Variants in PTPRN observed in about 807,000 individuals in gnomAD.
PTPRN encodes the protein receptor-type tyrosine-protein phosphatase-like N.
Under a neutral mutation model 108.5 loss-of-function variants are expected in PTPRN, and 70 were observed. The ratio of observed to expected loss-of-function variants is 0.65; its 90% CI spans 0.53 to 0.79. The LOEUF (loss-of-function observed/expected upper bound fraction) is 0.79, where lower values mean the gene tolerates loss of function less well. PTPRN is among the 30% of genes least tolerant of loss of function. PTPRN has a pLI of 0.00. For missense variants in PTPRN, 1,136 were observed against 1,295.5 expected, an observed-to-expected ratio of 0.88 and a Z score of 1.89; for synonymous variants, 496 against 524.6, an observed-to-expected ratio of 0.95 and a Z score of 0.75.
At position 219,296,658 on chromosome 2, in the gene PTPRN, G is replaced by T; in HGVS notation, c.2310+91C>A. On this transcript the variant is annotated intron_variant, in intron 16 of 22. Transcript: ENST00000295718. This position sits in a 1 kb window ranked among gnomAD's most constrained non-coding sequence, Gnocchi z 6.0. ...TCAGGCCCCACCACTCCAGGGGGTT[G>T]GTGGGGTGGCAGGTGACCACGGGGA... The T allele has an allele frequency of 6.4e-7, 1 of 1,564,264 alleles. No individual in the cohort carries two copies. Among genetic ancestry groups the T allele is most frequent in the Non-Finnish European group, 8.8e-7 (1 of 1,142,008 alleles).
chr2:219,300,754 C>A (rs1467631068), intron 8 of PTPRN, among the ~76,000 whole-genome samples, 189 bp downstream of exon 8: 1 of 152,196 alleles, frequency 6.6e-6, no homozygotes, highest in Non-Finnish European at 1.5e-5. Flanking sequence ...ATTCAGTTTT[C>A]TGGCTCCAGT....
At chr2:219,301,538 C>T (rs779777252) in intron 7 of PTPRN, 50 bp downstream of exon 7, 2 of 1,574,270 alleles carry the variant, frequency 1.3e-6, no homozygotes, top group Non-Finnish European at 1.7e-6. Context: ...GGGCAAGAGG[C>T]CTCCATGGAG....
In PTPRN at chr2:219,300,170, G is replaced by A. The variant is rs1202213257; in HGVS notation, c.1251C>T (p.Thr417=). 6.2e-7 allele frequency: 1 copy of A among 1,613,466 alleles called. No homozygotes were observed. The highest frequency in any genetic ancestry group is 1.7e-5 in the Admixed American group (1 of 59,970). The change falls in exon 9 of 23, where the codon ACC becomes ACT. Residue 417 remains threonine, a synonymous_variant. Transcript: ENST00000295718. ...TTGGCACCTGCTGGACTTCACTGGA[G>A]GTAGGGCTGGCAGTGGGGTGTCCAG... ...PMPGHPTASP[T]SSEVQQVPSP... is the part of the protein sequence containing the mutation.
chr2:219,295,228 T>C lies in PTPRN; in HGVS notation c.2509-87A>G, dbSNP rs183037283. On this transcript the variant is annotated intron_variant, in intron 18 of 22. Coordinates refer to ENST00000295718, the MANE Select transcript of PTPRN (RefSeq NM_002846.4). Reference sequence around the variant, plus strand: ...CTCTCCTCGCGACCTTCTCGGTCTCTCCAACCACCGCCCGGCCTCCCAGGC... The same window carrying C: ...CTCTCCTCGCGACCTTCTCGGTCTCCCCAACCACCGCCCGGCCTCCCAGGC... 2.5e-4 allele frequency: 364 copies of C among 1,459,970 alleles called. 1 individual carries two copies. The African/African-American group carries it at 3.4e-3, about 14-fold the overall frequency. The allele number at this position is 1,459,970 out of a possible 1,614,324, so 90.4% of individuals were successfully genotyped here.
chr2:219,308,076 A>G (rs1461485247), intron 1 of PTPRN: 9 of 544,698 alleles, frequency 1.7e-5, no homozygotes, highest in Non-Finnish European at 2.9e-5. Flanking sequence ...CTGTTTGCTT[A>G]ACTGAGTGAT....
rs1173162971 is a variant in PTPRN, at chr2:219,297,233, C to A, written c.2088G>T (p.Leu696=). The A allele has an allele frequency of 3.7e-6, 6 of 1,613,668 alleles. No homozygotes were observed. The highest frequency in any genetic ancestry group is 5.1e-6 in the Non-Finnish European group (6 of 1,179,764). The part of the protein sequence containing the change: ...NMDISTGHMI[L]AYMEDHLRNR... ...CTCTGGGCCCAGGCCCTGTCCTGACCAGAATCATGTGTCCCGTGGAGATGT... is the reference window on the plus strand; with the variant it reads ...CTCTGGGCCCAGGCCCTGTCCTGACAAGAATCATGTGTCCCGTGGAGATGT... Residue 696 remains leucine (L), a splice_region_variant and synonymous_variant, in exon 14 of 23, where the codon CTG becomes CTT. Coordinates refer to ENST00000295718, the MANE Select transcript of PTPRN (RefSeq NM_002846.4). This position sits in a 1 kb window ranked among gnomAD's most constrained non-coding sequence, Gnocchi z 6.0.
intron 8 of PTPRN, 123 bp downstream of exon 8, chr2:219,300,820 G>A (rs2125094677): frequency 1.8e-6 from 2 of 1,126,802 alleles, no homozygotes; most frequent in East Asian, 2.4e-5. Flanking sequence ...TCTGGGCCTT[G>A]GTTTCCCCCA....
At chr2:219,299,551 G>T in intron 10 of PTPRN, 149 bp downstream of exon 10, 2 of 1,120,778 alleles carry the variant, frequency 1.8e-6, no homozygotes, top group Non-Finnish European at 2.6e-6. Context: ...CCAGCAACGG[G>T]CTGGGTGTGG....
intron 7 of PTPRN, 84 bp from the exon 8 acceptor site, chr2:219,301,061 C>T (rs530300614): frequency 7.4e-7 from 1 of 1,359,158 alleles, no homozygotes; most frequent in Admixed American, 1.7e-5. Context: ...GGCCAGAGAC[C>T]CTGAGCCTGG....
rs776280204 is a variant in PTPRN at position 219,302,638 on chromosome 2, G to C, written c.577C>G (p.Gln193Glu). 3 of 1,613,920 alleles carry C rather than the reference G, an allele frequency of 1.9e-6. No individual in the cohort carries two copies. The Admixed American group carries it at 5.0e-5, about 27-fold the overall frequency. Residue 193 changes from glutamine (Q) to glutamate (E), a missense_variant, in exon 5 of 23, where the codon CAG (glutamine) becomes GAG (glutamate). Transcript: ENST00000295718. ...PLLEHLLLPP[Q>E]PPHPSLSYEP... ...TAACTCAGTGAAGGGTGGGGAGGCT[G>C]TGGGGGCAGCAGCAGGTGCTCCAAG...
chr2:219,301,038 A>C, intron 7 of PTPRN, 61 bp from the exon 8 acceptor site: 1 of 1,523,546 alleles, frequency 6.6e-7, no homozygotes, highest in Non-Finnish European at 9.1e-7. Context: ...TACACAACAC[A>C]AGTGGGAGAA....
intron 10 of PTPRN, 104 bp downstream of exon 10, chr2:219,299,596 C>T: frequency 7.9e-7 from 1 of 1,265,404 alleles, no homozygotes; most frequent in South Asian, 1.4e-5. Context: ...CATCCCTGAG[C>T]TCAGAGCTTG....
chr2:219,300,479 A>G (rs1022889882), intron 8 of PTPRN: 2 of 526,412 alleles, frequency 3.8e-6, no homozygotes, highest in African/African-American at 1.9e-5. Flanking sequence ...GGTCTGTACT[A>G]ATCCACAGAA....
chr2:219,291,431 G>A (rs1490780480), intron 20 of PTPRN, 39 bp downstream of exon 20: 3 of 1,603,024 alleles, frequency 1.9e-6, no homozygotes, highest in Middle Eastern at 1.7e-4. Flanking sequence ...GACGCACACA[G>A]GGAGTGGGAC....
At position 219,309,188 on chromosome 2, in the gene PTPRN, A is replaced by G. The variant is rs369303306; in HGVS notation, c.115+30T>C. On this transcript the variant is annotated intron_variant, in intron 1 of 22. Transcript: ENST00000295718. ...GGCCCCAAGCTGCTCCCCGCCCCCC[A>G]CCACCCGCCAGCCCAAGTTTCCTCC... The G allele has an allele frequency of 2.6e-5, 15 of 586,302 alleles. No individual in the cohort carries two copies. In the African/African-American group the frequency reaches 5.1e-4, roughly 20 times the overall value. The allele number at this position is 586,302 out of a possible 1,614,324, so 36.3% of individuals were successfully genotyped here.
rs757851298 is a variant in PTPRN, at chr2:219,307,428, T to C, written c.280+16A>G. 3 of 1,604,908 alleles carry C rather than the reference T, an allele frequency of 1.9e-6. No individual in the cohort carries two copies. The highest frequency in any genetic ancestry group is 1.7e-6 in the Non-Finnish European group (2 of 1,172,918). On this transcript the variant is annotated intron_variant, in intron 3 of 22. Transcript: ENST00000295718. ...CCAAGTTCCAATCTCTCTCCTCCAG[T>C]GCACCCAGACCTTACCTTGGGACAT...
At chr2:219,293,784 G>C (rs755852667) in intron 19 of PTPRN, among the ~76,000 whole-genome samples, 2 of 152,210 alleles carry the variant, frequency 1.3e-5, no homozygotes, top group Non-Finnish European at 2.9e-5. Context: ...AGTACCTAGA[G>C]ACATCAGGCC....
chr2:219,298,951 G>T, intron 12 of PTPRN, 96 bp downstream of exon 12: 2 of 1,450,320 alleles, frequency 1.4e-6, no homozygotes, highest in Non-Finnish European at 9.7e-7. Context: ...CTACGGACAC[G>T]TTTCGGCTCC....
In PTPRN at chr2:219,301,654, G is replaced by A. The variant is rs1952349512; in HGVS notation, c.1060C>T (p.Pro354Ser). ...GYGVELRQLT[P>S]EQLSTLLTLL... ...GTCAGGAGTGTGGAGAGCTGCTCAGGGGTCAGCTGACGCAGCTCTACCCCA... is the reference window on the plus strand; with the variant it reads ...GTCAGGAGTGTGGAGAGCTGCTCAGAGGTCAGCTGACGCAGCTCTACCCCA... Residue 354 changes from proline (P) to serine (S), a missense_variant, in exon 7 of 23, where the codon CCT (proline) becomes TCT (serine). Transcript: ENST00000295718. 2 of 1,613,528 alleles carry A rather than the reference G, an allele frequency of 1.2e-6. No individual in the cohort carries two copies. Among genetic ancestry groups the A allele is most frequent in the African/African-American group, 1.3e-5 (1 of 74,904 alleles).
Sources: gnomAD v4.1 joint callset for allele counts (sites outside exome capture counted in the v4.1 genomes callset) on GRCh38, gnomAD v4.1.1 for gene constraint, Gnocchi (gnomAD v3.1) non-coding constraint, MANE v1.5 for transcripts, NCBI Gene and HGNC (gene_info 2026-07-23, HGNC 2026-07-21) for gene names.